The following RFNG variants were observed in gnomAD, a reference collection of about 807,000 sequenced individuals.
RFNG encodes the protein RFNG O-fucosylpeptide 3-beta-N-acetylglucosaminyltransferase.
In RFNG, 37 loss-of-function variants were observed where a neutral mutation model predicts 29.6. The observed-to-expected ratio is 1.25, with a 90% CI of 0.96 to 1.65. The LOEUF (loss-of-function observed/expected upper bound fraction) is 1.65, where lower values mean the gene tolerates loss of function less well. RFNG is among the 40% of genes most tolerant of loss of function. The probability of loss-of-function intolerance (pLI) is 0.00; values close to 1 mark genes in which losing one functional copy is unlikely to be tolerated. For synonymous variants in RFNG, 276 were observed against 197.3 expected (o/e 1.40, Z -3.34); for missense variants, 546 against 457.0 (o/e 1.19, Z -1.78).
In RFNG at chr17:82,050,775, G is replaced by C; in HGVS notation, c.317-11C>G. ...TGATGACACGGTCGCCTGCGAATCA[G>C]AGACGGGAAGCACGCACGTAGAGGA... On this transcript the variant is annotated splice_polypyrimidine_tract_variant and intron_variant, in intron 2 of 7. Coordinates refer to ENST00000310496, the MANE Select transcript of RFNG (RefSeq NM_002917.2). 1 of 1,611,916 alleles carries C rather than the reference G, an allele frequency of 6.2e-7. No individual in the cohort carries two copies. Among genetic ancestry groups the C allele is most frequent in the East Asian group, 2.2e-5 (1 of 44,868 alleles).
rs139133575 is a variant in RFNG, at chr17:82,050,501, G to A, written c.474C>T (p.His158=). The change falls in exon 4 of 8, where the codon CAC becomes CAT. Residue 158 remains histidine, a synonymous_variant. Transcript: ENST00000310496. ...DNYVNARSLL[H]LLSSFSPSQD... ...GGCTGGGTGAGAAGCTGGAGAGCAGGTGCAGGAGGCTCCTGGCGTTCACAT... is the reference window on the plus strand; with the variant it reads ...GGCTGGGTGAGAAGCTGGAGAGCAGATGCAGGAGGCTCCTGGCGTTCACAT... The A allele has an allele frequency of 2.7e-5, 43 of 1,612,918 alleles. No homozygotes were observed. The African/African-American group carries it at 3.9e-4, about 15-fold the overall frequency.
chr17:82,048,958 G>C, intron 7 of RFNG, 73 bp downstream of exon 7: 1 of 1,527,386 alleles, frequency 6.5e-7, no homozygotes, highest in South Asian at 1.1e-5. Context: ...CGGGGGTCAG[G>C]GCCGTGGGTA....
chr17:82,048,817 G>A lies in RFNG; in HGVS notation c.915-10C>T, dbSNP rs776953180. The A allele has an allele frequency of 7.5e-6, 12 of 1,609,580 alleles. No individual in the cohort carries two copies. The highest frequency in any genetic ancestry group is 1.0e-5 in the Non-Finnish European group (12 of 1,176,564). On this transcript the variant is annotated splice_polypyrimidine_tract_variant and intron_variant, in intron 7 of 7. Transcript: ENST00000310496. ...ATGGATAGACTTAAACCTGGGGAAG[G>A]AAGAAGTAGGGGTCAGGGCCGTGGG...
chr17:82,049,519 TC>T (rs2030131655), intron 6 of RFNG, 157 bp downstream of exon 6: 1 of 852,052 alleles, frequency 1.2e-6, no homozygotes, highest in East Asian at 2.6e-5. Context: ...GGACCCTGTG[TC>T]CAACAGGCCA....
In RFNG at chr17:82,050,425, C is replaced by T. The variant is rs370119266; in HGVS notation, c.550G>A (p.Glu184Lys). 1.4e-5 allele frequency: 23 copies of T among 1,599,934 alleles called. No homozygotes were observed. The highest frequency in any genetic ancestry group is 6.7e-5 in the African/African-American group (5 of 74,096). ...ACAGTTCTGCCACCCTGGACCCTCT[C>T]GGTGGCCTCAATGGGGTGGTCCAGG... ...PSLDHPIEAT[E>K]RVQGGRTVTT... The change falls in exon 4 of 8, where the codon GAG becomes AAG. Residue 184 changes from glutamate to lysine, a missense_variant. Glu to Lys is a moderately conservative substitution (Grantham distance 56). Coordinates refer to ENST00000310496, the MANE Select transcript of RFNG (RefSeq NM_002917.2).
In RFNG at chr17:82,051,668, G is replaced by A; in HGVS notation, c.99C>T (p.Pro33=). Residue 33 remains proline (P), a synonymous_variant, in exon 1 of 8, where the codon CCC becomes CCT. Transcript: ENST00000310496. The surrounding 1 kb of genome is among the most constrained non-coding windows in gnomAD (Gnocchi z 4.1). ...LLLPLPLPRA[P]APARTPAPAP... ...CCGGGGCGGGGGTCCGGGCCGGGGC[G>A]GGCGCGCGGGGCAGCGGCAGCGGCA... 2.0e-6 allele frequency: 2 copies of A among 998,352 alleles called. No individual in the cohort carries two copies. Among genetic ancestry groups the A allele is most frequent in the African/African-American group, 3.5e-5 (2 of 56,934 alleles). The allele number at this position is 998,352 out of a possible 1,614,324, so 61.8% of individuals were successfully genotyped here. A position where few individuals can be genotyped will look rare whatever the true frequency, so the allele number is the denominator to read the frequency against.
In RFNG at chr17:82,049,884, G is replaced by T. The variant is rs746006503; in HGVS notation, c.662+34C>A. On this transcript the variant is annotated intron_variant, in intron 5 of 7. Transcript: ENST00000310496. Reference sequence around the variant, plus strand: ...CAGCACCTTTCAGGTCTCAGCCTCCGCCTCCCAGCCCGGGCAGCTGGACCC... The same window carrying T: ...CAGCACCTTTCAGGTCTCAGCCTCCTCCTCCCAGCCCGGGCAGCTGGACCC... 1.9e-6 allele frequency: 3 copies of T among 1,611,120 alleles called. 1 individual carries two copies. The South Asian group carries it at 3.3e-5, about 18-fold the overall frequency.
chr17:82,050,579 C>T (rs2144221700), intron 3 of RFNG, 24 bp from the exon 4 acceptor site: 1 of 1,608,678 alleles, frequency 6.2e-7, no homozygotes, highest in South Asian at 1.1e-5. Flanking sequence ...GAGTCCTGGG[C>T]ACGAGGGCCT....
rs750139352 is a variant in RFNG, at chr17:82,049,695, G to A, written c.810C>T (p.Pro270=). 94 of 1,479,126 alleles carry A rather than the reference G, an allele frequency of 6.4e-5. No homozygotes were observed. The highest frequency in any genetic ancestry group is 1.8e-4 in the Middle Eastern group (1 of 5,568). The allele number at this position is 1,479,126 out of a possible 1,614,324, so 91.6% of individuals were successfully genotyped here. The change falls in exon 6 of 8, where the codon CCC becomes CCT. Residue 270 remains proline, a synonymous_variant. Transcript: ENST00000310496. ...SHLENLQRLP[P]DTLLQQVTLS... ...CCTGTACCTGCTGGAGCAGGGTGTC[G>A]GGCGGCAGCCTCTGCAGGTTCTCCA...
chr17:82,051,803 C>A lies in RFNG; in HGVS notation c.-37G>T. 8.8e-7 allele frequency: 1 copy of A among 1,130,380 alleles called. No individual in the cohort carries two copies. The highest frequency in any genetic ancestry group is 1.7e-5 in the African/African-American group (1 of 60,304). The allele number at this position is 1,130,380 out of a possible 1,614,324, so 70.0% of individuals were successfully genotyped here. A position where few individuals can be genotyped will look rare whatever the true frequency, so the allele number is the denominator to read the frequency against. ...GACCCCCGGCGCTGCGAGCGGAGAA[C>A]CTGGCCGGAGCCGTGGGTGGGCGGC... On this transcript the variant is annotated 5_prime_UTR_variant, in exon 1 of 8. Transcript: ENST00000310496. This position sits in a 1 kb window ranked among gnomAD's most constrained non-coding sequence, Gnocchi z 4.1.
chr17:82,050,757 A>T lies in RFNG; in HGVS notation c.324T>A (p.Arg108=). 1 of 1,612,856 alleles carries T rather than the reference A, an allele frequency of 6.2e-7. No homozygotes were observed. The highest frequency in any genetic ancestry group is 2.2e-5 in the East Asian group (1 of 44,862). Residue 108 remains arginine (R), a synonymous_variant, in exon 3 of 8, where the codon CGT becomes CGA. Transcript: ENST00000310496. ...CCGCCGAGCAGTTGGTGTTGATGAC[A>T]CGGTCGCCTGCGAATCAGAGACGGG... The part of the protein sequence containing the change: ...DPELELQGGD[R]VINTNCSAVR...
rs867394022 is a variant in RFNG, at chr17:82,051,400, C to A, written c.268-58G>T. The A allele has an allele frequency of 1.4e-6, 2 of 1,409,850 alleles. No individual in the cohort carries two copies. Among genetic ancestry groups the A allele is most frequent in the East Asian group, 2.9e-5 (1 of 34,220 alleles). 87.3% of individuals were successfully genotyped at this position (1,409,850 alleles called of 1,614,324 possible). A position where few individuals can be genotyped will look rare whatever the true frequency, so the allele number is the denominator to read the frequency against. On this transcript the variant is annotated intron_variant, in intron 1 of 7. Transcript: ENST00000310496. The surrounding 1 kb of genome is among the most constrained non-coding windows in gnomAD (Gnocchi z 4.1). ...GCGCTGCCCAGGCCGGAGACCGACC[C>A]GCCCCGCGCGGAGCCTCCGGGGGCC...
chr17:82,049,162 C>G (rs766326977), intron 6 of RFNG, 46 bp from the exon 7 acceptor site: 2 of 1,512,598 alleles, frequency 1.3e-6, no homozygotes, highest in Non-Finnish European at 1.8e-6. Context: ...GGTCTGGTCT[C>G]GGGCCACGCC....
chr17:82,048,922 G>T, intron 7 of RFNG, 109 bp downstream of exon 7: 1 of 1,436,278 alleles, frequency 7.0e-7, no homozygotes, highest in Non-Finnish European at 9.7e-7. Flanking sequence ...AGAAGCCGGG[G>T]TCAGGGCCGT....
At position 82,050,759 on chromosome 17, in the gene RFNG, G is replaced by C. The variant is rs2030397798; in HGVS notation, c.322C>G (p.Arg108Gly). 1.9e-6 allele frequency: 3 copies of C among 1,612,614 alleles called. No individual in the cohort carries two copies. The highest frequency in any genetic ancestry group is 2.7e-5 in the African/African-American group (2 of 74,924). Residue 108 changes from arginine (R) to glycine (G), a missense_variant, in exon 3 of 8, where the codon CGT becomes GGT. Arg to Gly is a moderately radical substitution (Grantham distance 125). Transcript: ENST00000310496. Reference sequence around the variant, plus strand: ...GCCGAGCAGTTGGTGTTGATGACACGGTCGCCTGCGAATCAGAGACGGGAA... The same window carrying C: ...GCCGAGCAGTTGGTGTTGATGACACCGTCGCCTGCGAATCAGAGACGGGAA... The part of the protein sequence containing the change: ...DPELELQGGD[R>G]VINTNCSAVR...
Position 82,048,641 on chromosome 17 carries a change from T to TGAGG in RFNG, c.*81_*84dup. 9.1e-7 allele frequency: 1 copy of TGAGG among 1,099,856 alleles called. No homozygotes were observed. Among genetic ancestry groups the TGAGG allele is most frequent in the Non-Finnish European group, 1.4e-6 (1 of 727,212 alleles). The allele number at this position is 1,099,856 out of a possible 1,614,324, so 68.1% of individuals were successfully genotyped here. A position where few individuals can be genotyped will look rare whatever the true frequency, so the allele number is the denominator to read the frequency against. Reference sequence around the variant, plus strand: ...ATCTCACTGGTGTGGCCGTGGCACCTGAGGGAGCCCACTGAGCCCATAGGG... The same window carrying TGAGG: ...ATCTCACTGGTGTGGCCGTGGCACCTGAGGGAGGGAGCCCACTGAGCCCATAGGG... On this transcript the variant is annotated 3_prime_UTR_variant, in exon 8 of 8. Transcript: ENST00000310496.
intron 5 of RFNG, 32 bp from the exon 6 acceptor site, chr17:82,049,874 C>T (rs1424943541): frequency 1.2e-6 from 2 of 1,611,446 alleles, no homozygotes; most frequent in Non-Finnish European, 1.7e-6. Flanking sequence ...CCTTTCAGGT[C>T]TCAGCCTCCG....
Position 82,049,689 on chromosome 17 carries a change from G to A in RFNG, c.816C>T (p.Thr272=). 1 of 1,472,650 alleles carries A rather than the reference G, an allele frequency of 6.8e-7. No homozygotes were observed. The highest frequency in any genetic ancestry group is 9.0e-7 in the Non-Finnish European group (1 of 1,111,770). The allele number at this position is 1,472,650 out of a possible 1,614,324, so 91.2% of individuals were successfully genotyped here. A position where few individuals can be genotyped will look rare whatever the true frequency, so the allele number is the denominator to read the frequency against. Residue 272 remains threonine, a synonymous_variant, in exon 6 of 8, where the codon ACC becomes ACT. Transcript: ENST00000310496. ...LENLQRLPPD[T]LLQQVTLSHG... is the part of the protein sequence containing the mutation. ...GTGGCGCCTGTACCTGCTGGAGCAG[G>A]GTGTCGGGCGGCAGCCTCTGCAGGT...
rs1456466804 is a variant in RFNG, at chr17:82,050,649, C to CAGCGCCGCGTA, written c.419+2_419+12dup. ...GCTCTGAGCTCTCTGCGGGTCGGGT[C>CAGCGCCGCGTA]AGCGCCGCGTACTTGCGCCCGGACT... is the stretch of plus-strand genomic sequence containing the variant. On this transcript the variant is annotated intron_variant, in intron 3 of 7. Coordinates refer to ENST00000310496, the MANE Select transcript of RFNG (RefSeq NM_002917.2). The CAGCGCCGCGTA allele has an allele frequency of 6.2e-7, 1 of 1,612,542 alleles. No individual in the cohort carries two copies. Among genetic ancestry groups the CAGCGCCGCGTA allele is most frequent in the South Asian group, 1.1e-5 (1 of 91,046 alleles).
Sources: gnomAD v4.1 joint callset for allele counts on GRCh38, gnomAD v4.1.1 for gene constraint, Gnocchi (gnomAD v3.1) non-coding constraint, MANE v1.5 for transcripts, NCBI Gene and HGNC (gene_info 2026-07-23, HGNC 2026-07-21) for gene names.